Variants in F11R observed in about 807,000 individuals in gnomAD.
F11R encodes the protein junctional adhesion molecule A.
F11R carries 27 observed loss-of-function variants against 39.3 expected under a neutral mutation model. The observed-to-expected ratio is 0.69, with a 90% CI of 0.51 to 0.95. F11R has a LOEUF of 0.95. Among genes scored for constraint, F11R ranks in the 40% least tolerant of loss-of-function variants. The probability of loss-of-function intolerance (pLI) is 0.00; values close to 1 mark genes in which losing one functional copy is unlikely to be tolerated. For missense variants in F11R, 335 were observed against 372.7 expected (o/e 0.90, Z 0.83); for synonymous variants, 131 against 144.9 (o/e 0.90, Z 0.69).
At position 160,998,924 on chromosome 1, in the gene F11R, C is replaced by T. The variant is rs1648294002; in HGVS notation, c.865-18G>A. On this transcript the variant is annotated intron_variant, in intron 9 of 9. Coordinates refer to ENST00000368026, the MANE Select transcript of F11R (RefSeq NM_016946.6). ...AATTCTCCCTGCAGAAATAAAACAT[C>T]CAGTCAACTCTCAATAGTCTTCTTT... 1 of 1,614,130 alleles carries T rather than the reference C, an allele frequency of 6.2e-7. No individual in the cohort carries two copies. The highest frequency in any genetic ancestry group is 1.7e-5 in the Admixed American group (1 of 60,020).
chr1:161,018,538 T>A (rs1649584301), intron 1 of F11R, among the ~76,000 whole-genome samples: 1 of 152,166 alleles, frequency 6.6e-6, no homozygotes, highest in South Asian at 2.1e-4. Flanking sequence ...CCAAAAATAA[T>A]CCCTTCATGT....
rs1293162267 is a variant in F11R at position 161,001,347 on chromosome 1, A to G, written c.71T>C (p.Leu24Pro). Residue 24 changes from leucine to proline, a missense_variant, in exon 2 of 10, where the codon CTG becomes CCG. Coordinates refer to ENST00000368026, the MANE Select transcript of F11R (RefSeq NM_016946.6). ...GTGCACTGTAACACTGCCCAATGCC[A>G]GGGAGCCTAAGGAGAAAGAAAGAGG... ...LFILAILLCSLALGSVTVHSS... is the reference protein window; with the variant it reads ...LFILAILLCSPALGSVTVHSS... The G allele has an allele frequency of 2.5e-6, 4 of 1,613,778 alleles. No individual in the cohort carries two copies. The highest frequency in any genetic ancestry group is 3.4e-6 in the Non-Finnish European group (4 of 1,179,826).
At position 160,999,645 on chromosome 1, in the gene F11R, A is replaced by T. The variant is rs1272580809; in HGVS notation, c.797T>A (p.Phe266Tyr). ...GIWFAYSRGH[F>Y]DRTKKGTSSK... ...CTCTGGGGGCAGATACTTACTGTCA[A>T]AGTGGCCTCGGCTATAGGCAAACCA... is the stretch of plus-strand genomic sequence containing the variant. The change falls in exon 7 of 10, where the codon TTT (phenylalanine) becomes TAT (tyrosine). Residue 266 changes from phenylalanine (F) to tyrosine (Y), a missense_variant. Physicochemically the swap from Phe to Tyr is conservative, Grantham distance 22. Coordinates refer to ENST00000368026, the MANE Select transcript of F11R (RefSeq NM_016946.6). The T allele has an allele frequency of 6.8e-6, 11 of 1,613,852 alleles. No individual in the cohort carries two copies. The highest frequency in any genetic ancestry group is 9.3e-6 in the Non-Finnish European group (11 of 1,179,844).
chr1:161,003,527 T>A (rs1000394039), intron 1 of F11R, among the ~76,000 whole-genome samples: 7 of 152,030 alleles, frequency 4.6e-5, no homozygotes, highest in Admixed American at 1.3e-4. Context: ...CCGCCCAAAG[T>A]GCTGGAATTA....
chr1:161,001,393 CAG>C (rs1489101536), intron 1 of F11R, 40 bp from the exon 2 acceptor site: 7 of 1,567,406 alleles, frequency 4.5e-6, no homozygotes, highest in Admixed American at 1.7e-5. Context: ...CAGGAGTGGA[CAG>C]AGAAATGCCA....
chr1:161,007,704 T>A (rs187349770), intron 1 of F11R, among the ~76,000 whole-genome samples: 9 of 152,354 alleles, frequency 5.9e-5, no homozygotes, highest in Non-Finnish European at 1.2e-4. Context: ...ATTATCATCA[T>A]CTGTTCATAG....
At chr1:161,005,103 T>G (rs1648726545) in intron 1 of F11R, among the ~76,000 whole-genome samples, 1 of 150,932 alleles carries the variant, frequency 6.6e-6, no homozygotes, top group South Asian at 2.1e-4. Context: ...GAGGCTGAAG[T>G]GAGCCTAGAT....
chr1:161,015,976 G>A (rs745401367), intron 1 of F11R, among the ~76,000 whole-genome samples: 15 of 151,892 alleles, frequency 9.9e-5, no homozygotes, highest in South Asian at 2.1e-4. Flanking sequence ...ATCTTGAATC[G>A]GAACTGGGCT....
rs1648076751 is a variant in F11R at position 160,995,700 on chromosome 1, C to T, written c.*3171G>A. 2 of 151,960 alleles carry T rather than the reference C, an allele frequency of 1.3e-5. No individual in the cohort carries two copies. The highest frequency in any genetic ancestry group is 6.6e-5 in the Admixed American group (1 of 15,240). The allele number at this position is 151,960 out of a possible 1,614,324, so 9.4% of individuals were successfully genotyped here. A position where few individuals can be genotyped will look rare whatever the true frequency, so the allele number is the denominator to read the frequency against. ...CCAGGAGGTGGAGGTTGCAGTGAGC[C>T]AAGGTTGTACCATTGCACTCCAGCC... On this transcript the variant is annotated 3_prime_UTR_variant, in exon 10 of 10. Transcript: ENST00000368026.
At position 160,998,922 on chromosome 1, in the gene F11R, A is replaced by C; in HGVS notation, c.865-16T>G. 6.2e-7 allele frequency: 1 copy of C among 1,614,194 alleles called. No homozygotes were observed. The highest frequency in any genetic ancestry group is 8.5e-7 in the Non-Finnish European group (1 of 1,179,996). On this transcript the variant is annotated splice_polypyrimidine_tract_variant and intron_variant, in intron 9 of 9. Transcript: ENST00000368026. ...TGAATTCTCCCTGCAGAAATAAAAC[A>C]TCCAGTCAACTCTCAATAGTCTTCT...
Position 161,000,246 on chromosome 1 carries a change from T to C in F11R, c.491A>G (p.Tyr164Cys). 1 of 1,614,122 alleles carries C rather than the reference T, an allele frequency of 6.2e-7. No individual in the cohort carries two copies. The highest frequency in any genetic ancestry group is 8.5e-7 in the Non-Finnish European group (1 of 1,180,024). Residue 164 changes from tyrosine to cysteine, a missense_variant, in exon 5 of 10, where the codon TAC (tyrosine) becomes TGC (cysteine). Physicochemically the swap from Tyr to Cys is radical, Grantham distance 194. Transcript: ENST00000368026. ...CACTATCCCATCTTTGAACCAGGTG[T>C]ATTCAGAAGGTGGGGAACCATCTTG... ...SEQDGSPPSE[Y>C]TWFKDGIVMP... is the part of the protein sequence containing the mutation.
At chr1:161,006,122 A>G (rs1648790866) in intron 1 of F11R, among the ~76,000 whole-genome samples, 1 of 149,112 alleles carries the variant, frequency 6.7e-6, no homozygotes, top group African/African-American at 2.4e-5. Flanking sequence ...TGGGTAACAC[A>G]GTGAGACTCC....
In F11R at chr1:160,999,911, G is replaced by A. The variant is rs1243882725; in HGVS notation, c.659C>T (p.Thr220Ile). The change falls in exon 6 of 10, where the codon ACA (threonine) becomes ATA (isoleucine). Residue 220 changes from threonine to isoleucine, a missense_variant. Coordinates refer to ENST00000368026, the MANE Select transcript of F11R (RefSeq NM_016946.6). The stretch of plus-strand genomic sequence containing the variant: ...GCGCACAGCATTTGAAGTCATGGGT[G>A]TCCCATACCCATTCCGTGCCTCACA... ...YSCEARNGYG[T>I]PMTSNAVRME... 1 of 1,614,168 alleles carries A rather than the reference G, an allele frequency of 6.2e-7. No individual in the cohort carries two copies. The highest frequency in any genetic ancestry group is 1.7e-5 in the Admixed American group (1 of 60,018).
chr1:161,010,332 G>A (rs1361634332), intron 1 of F11R, among the ~76,000 whole-genome samples: 2 of 149,746 alleles, frequency 1.3e-5, no homozygotes, highest in East Asian at 2.0e-4. Context: ...TAATCCCAGC[G>A]ACTCAGGAGG....
chr1:161,005,347 C>T (rs992123082), intron 1 of F11R, among the ~76,000 whole-genome samples: 2 of 151,232 alleles, frequency 1.3e-5, no homozygotes, highest in Non-Finnish European at 2.9e-5. Context: ...TCTGTTGCCC[C>T]GGCTAGAGTT....
intron 1 of F11R, among the ~76,000 whole-genome samples, chr1:161,016,055 T>C (rs146402075): frequency 0.011 from 1,634 of 151,926 alleles, 13 homozygotes; most frequent in Non-Finnish European, 0.017. Context: ...TGGTCTGGAG[T>C]GGCCAGGTGC....
At chr1:161,000,906 G>T in intron 3 of F11R, 114 bp downstream of exon 3, 2 of 1,471,124 alleles carry the variant, frequency 1.4e-6, no homozygotes, top group Non-Finnish European at 1.9e-6. Context: ...AGGCCATGAG[G>T]ACTTCAGCCC....
In F11R at chr1:160,997,602, T is replaced by C. The variant is rs1198119258; in HGVS notation, c.*1269A>G. On this transcript the variant is annotated 3_prime_UTR_variant, in exon 10 of 10. Coordinates refer to ENST00000368026, the MANE Select transcript of F11R (RefSeq NM_016946.6). ...GCACTGGGAACCAGCCCCAGGTTGC[T>C]GGGAAGCAAGGCTTTGAGGCATTTT... 6.5e-6 allele frequency: 1 copy of C among 152,788 alleles called. No individual in the cohort carries two copies. Among genetic ancestry groups the C allele is most frequent in the Non-Finnish European group, 1.5e-5 (1 of 68,054 alleles). 9.5% of individuals were successfully genotyped at this position (152,788 alleles called of 1,614,324 possible).
chr1:161,005,787 AG>A, intron 1 of F11R, among the ~76,000 whole-genome samples: 2 of 152,108 alleles, frequency 1.3e-5, no homozygotes, highest in East Asian at 3.9e-4. Flanking sequence ...CCAAAGTGCT[AG>A]GATTACAGGC....
Sources: allele counts gnomAD v4.1 joint callset (sites outside exome capture counted in the v4.1 genomes callset), GRCh38; gene constraint gnomAD v4.1.1; transcripts MANE v1.5; gene names NCBI Gene and HGNC (gene_info 2026-07-23, HGNC 2026-07-21).